Variants in SMAD1 observed in about 807,000 individuals in gnomAD.
The protein encoded by SMAD1 is MAD, mothers against decapentaplegic homolog 1.
Under a neutral mutation model 41.6 loss-of-function variants are expected in SMAD1, and 6 were observed. The ratio of observed to expected loss-of-function variants is 0.14; its 90% CI spans 0.08 to 0.28. SMAD1 has a LOEUF of 0.28. SMAD1 is among the 10% of genes least tolerant of loss of function. The pLI is 1.00. For missense variants in SMAD1, 379 were observed against 582.6 expected, an observed-to-expected ratio of 0.65 and a Z score of 3.60; for synonymous variants, 206 against 203.2, an observed-to-expected ratio of 1.01 and a Z score of -0.12.
chr4:145,506,309 C>T (rs1369574324), intron 1 of SMAD1, among the ~76,000 whole-genome samples: 1 of 152,016 alleles, frequency 6.6e-6, no homozygotes, highest in Non-Finnish European at 1.5e-5. Flanking sequence ...GTGTAATGAA[C>T]CAAAGAACAA....
chr4:145,515,134 CTGTGTGTGTGTGTG>C (rs377610507), intron 2 of SMAD1, 121 bp downstream of exon 2: 372 of 535,716 alleles, frequency 6.9e-4, no homozygotes, highest in African/African-American at 6.1e-3. Flanking sequence ...TTTGGGGAAA[CTGTGTGTGTGTGTG>C]TGTGTGTGTG....
intron 2 of SMAD1, among the ~76,000 whole-genome samples, chr4:145,536,722 T>A (rs936599395): frequency 6.6e-6 from 1 of 152,174 alleles, no homozygotes; most frequent in African/African-American, 2.4e-5. Context: ...ATATAGGGGA[T>A]AAAGCTTGAT....
chr4:145,502,574 A>C (rs1452227455), intron 1 of SMAD1, among the ~76,000 whole-genome samples: 6 of 152,230 alleles, frequency 3.9e-5, no homozygotes, highest in African/African-American at 1.2e-4. Flanking sequence ...GGATGGAAGG[A>C]TTTGTGTATG....
chr4:145,489,492 C>CA (rs1392754647), intron 1 of SMAD1, among the ~76,000 whole-genome samples: 1 of 150,742 alleles, frequency 6.6e-6, no homozygotes, highest in East Asian at 1.9e-4. Flanking sequence ...TAAAATAAAA[C>CA]AAAAAACCAT....
chr4:145,554,389 A>G (rs910980245), intron 6 of SMAD1, among the ~76,000 whole-genome samples: 2 of 152,270 alleles, frequency 1.3e-5, no homozygotes, highest in East Asian at 1.9e-4. Flanking sequence ...TTGAGTAAGC[A>G]TATCTTCCTT....
intron 1 of SMAD1, among the ~76,000 whole-genome samples, chr4:145,495,470 T>C (rs1217883022): frequency 6.6e-6 from 1 of 152,186 alleles, no homozygotes; most frequent in Non-Finnish European, 1.5e-5. Context: ...ACCTGAAAGA[T>C]TCCTTTAAAT....
chr4:145,494,986 A>G (rs1462251134), intron 1 of SMAD1, among the ~76,000 whole-genome samples: 1 of 152,174 alleles, frequency 6.6e-6, no homozygotes, highest in African/African-American at 2.4e-5. Flanking sequence ...TGAATCCCGG[A>G]GTCTGCAAAT....
intron 5 of SMAD1, 137 bp from the exon 6 acceptor site, chr4:145,553,647 C>A: frequency 1.3e-6 from 1 of 773,220 alleles, no homozygotes; most frequent in Non-Finnish European, 2.1e-6. Context: ...TCCTGTTGTA[C>A]AGGACCTAGA....
chr4:145,501,689 A>G (rs1729450143), intron 1 of SMAD1, among the ~76,000 whole-genome samples: 1 of 145,314 alleles, frequency 6.9e-6, no homozygotes, highest in Non-Finnish European at 1.5e-5. Flanking sequence ...AGTTGATTCC[A>G]TTTTCATCTG....
intron 1 of SMAD1, among the ~76,000 whole-genome samples, chr4:145,483,365 C>T (rs1728302202): frequency 2.0e-5 from 3 of 152,160 alleles, no homozygotes; most frequent in South Asian, 4.1e-4. Context: ...GGTCTAATTG[C>T]CTGTTGTGGA....
chr4:145,554,866 T>C (rs1732753564), intron 6 of SMAD1, among the ~76,000 whole-genome samples: 1 of 152,220 alleles, frequency 6.6e-6, no homozygotes, highest in Admixed American at 6.5e-5. Flanking sequence ...TATGTTTGAG[T>C]GAGGCAATTA....
At chr4:145,505,986 G>T (rs1484271580) in intron 1 of SMAD1, among the ~76,000 whole-genome samples, 1 of 151,790 alleles carries the variant, frequency 6.6e-6, no homozygotes, top group Non-Finnish European at 1.5e-5. Flanking sequence ...TGGGTCTAAA[G>T]GTGTACACCA....
intron 4 of SMAD1, among the ~76,000 whole-genome samples, chr4:145,543,354 A>G (rs1334451511): frequency 2.0e-5 from 3 of 152,202 alleles, no homozygotes; most frequent in African/African-American, 2.4e-5. Context: ...GTGATTTCCA[A>G]AGTTGGAAGT....
intron 6 of SMAD1, among the ~76,000 whole-genome samples, chr4:145,555,471 G>T (rs1201561632): frequency 6.6e-6 from 1 of 152,094 alleles, no homozygotes; most frequent in African/African-American, 2.4e-5. Flanking sequence ...TTGAAATGGG[G>T]GTGGATGGAG....
rs538037569 is a variant in SMAD1 at position 145,494,628 on chromosome 4, A to G, written c.-177+12590A>G. On this transcript the variant is annotated intron_variant, in intron 1 of 6. Coordinates refer to ENST00000302085, the MANE Select transcript of SMAD1 (RefSeq NM_005900.3). ...CCTGGGCCCATCCTATTGAAGGGTT[A>G]TGGTAAGGAAGCTTTTAAAAATACT... 1.1e-4 allele frequency among the ~76,000 whole-genome samples: 17 copies of G among 152,316 alleles called. No individual in the cohort carries two copies. The South Asian group carries it at 3.5e-3, about 32-fold the overall frequency.
intron 5 of SMAD1, 65 bp downstream of exon 5, chr4:145,546,989 C>A: frequency 8.0e-7 from 1 of 1,248,034 alleles, no homozygotes; most frequent in Non-Finnish European, 1.2e-6. Flanking sequence ...CCAGAGCTGA[C>A]TTAAAATCAT....
chr4:145,554,704 G>T (rs985154862), intron 6 of SMAD1, among the ~76,000 whole-genome samples: 1 of 152,118 alleles, frequency 6.6e-6, no homozygotes, highest in Non-Finnish European at 1.5e-5. Flanking sequence ...CTGCCTCTGA[G>T]AAATAAAAAT....
intron 1 of SMAD1, among the ~76,000 whole-genome samples, chr4:145,506,238 A>G (rs1247517041): frequency 1.3e-5 from 2 of 152,214 alleles, no homozygotes; most frequent in African/African-American, 4.8e-5. Context: ...AATACCCTGT[A>G]CTTTTAGTTC....
chr4:145,534,097 C>T (rs868676726), intron 2 of SMAD1, among the ~76,000 whole-genome samples: 1 of 152,158 alleles, frequency 6.6e-6, no homozygotes, highest in African/African-American at 2.4e-5. Flanking sequence ...TGAGTACACC[C>T]TGAGGAGGCA....
Sources: allele counts gnomAD v4.1 joint callset (sites outside exome capture counted in the v4.1 genomes callset), GRCh38; gene constraint gnomAD v4.1.1; transcripts MANE v1.5; gene names NCBI Gene and HGNC (gene_info 2026-07-23, HGNC 2026-07-21).